Variants in PTPRN2 observed in about 807,000 individuals in gnomAD.
PTPRN2 encodes the protein receptor-type tyrosine-protein phosphatase N2.
Under a neutral mutation model 118.8 loss-of-function variants are expected in PTPRN2, and 74 were observed. The observed-to-expected ratio is 0.62, with a 90% CI of 0.52 to 0.76. PTPRN2 has a LOEUF of 0.76. PTPRN2 is among the 30% of genes least tolerant of loss of function. PTPRN2 has a pLI of 0.00. For synonymous variants in PTPRN2, 641 were observed against 608.0 expected, an observed-to-expected ratio of 1.05 and a Z score of -0.80; for missense variants, 1,481 against 1,394.4, an observed-to-expected ratio of 1.06 and a Z score of -0.99.
At chr7:157,568,154 G>A (rs1263178673) in intron 21 of PTPRN2, among the ~76,000 whole-genome samples, 1 of 152,218 alleles carries the variant, frequency 6.6e-6, no homozygotes, top group African/African-American at 2.4e-5. Flanking sequence ...CTCATTGCTG[G>A]CAGAGCCAGA....
intron 1 of PTPRN2, among the ~76,000 whole-genome samples, chr7:158,550,065 G>C (rs1826545365): frequency 6.6e-6 from 1 of 152,184 alleles, no homozygotes; most frequent in Non-Finnish European, 1.5e-5. Context: ...TTTCACACGA[G>C]AGCACACATC....
At chr7:158,060,968 T>C (rs1437703693) in intron 11 of PTPRN2, among the ~76,000 whole-genome samples, 1 of 152,274 alleles carries the variant, frequency 6.6e-6, no homozygotes, top group Non-Finnish European at 1.5e-5. Flanking sequence ...GCTGCATTTC[T>C]TTCAAAACAT....
intron 19 of PTPRN2, chr7:157,574,495 G>A (rs1202164608): frequency 4.5e-6 from 2 of 443,322 alleles, no homozygotes; most frequent in Non-Finnish European, 1.0e-5. Flanking sequence ...CACACAGCAA[G>A]AAGGGAGAGA....
At chr7:157,902,209 G>A (rs1337994314) in intron 11 of PTPRN2, among the ~76,000 whole-genome samples, 3 of 152,258 alleles carry the variant, frequency 2.0e-5, no homozygotes, top group Admixed American at 6.5e-5. Flanking sequence ...GGAACGCGCT[G>A]CAGCAGAACT....
chr7:158,136,045 C>T (rs1818778993), intron 8 of PTPRN2, among the ~76,000 whole-genome samples: 1 of 152,216 alleles, frequency 6.6e-6, no homozygotes, highest in Admixed American at 6.5e-5. Context: ...CGACTGGGCC[C>T]TTCTTCTGAC....
intron 14 of PTPRN2, among the ~76,000 whole-genome samples, chr7:157,654,080 A>T (rs933838013): frequency 1.5e-4 from 3 of 20,266 alleles, no homozygotes; most frequent in African/African-American, 2.2e-4. Context: ...CCCCACACCC[A>T]CCCCGACTCC....
intron 11 of PTPRN2, among the ~76,000 whole-genome samples, chr7:157,939,635 C>T (rs1585051282): frequency 6.6e-6 from 1 of 152,280 alleles, no homozygotes; most frequent in Admixed American, 6.5e-5. Context: ...TCAACCCCAT[C>T]GTCCAGTGTC....
chr7:158,098,730 T>C (rs1279275948), intron 10 of PTPRN2, among the ~76,000 whole-genome samples: 2 of 152,036 alleles, frequency 1.3e-5, no homozygotes, highest in African/African-American at 4.8e-5. Flanking sequence ...AGGACGTTTA[T>C]CTCGTGAACG....
intron 1 of PTPRN2, among the ~76,000 whole-genome samples, chr7:158,557,383 T>C (rs1293272381): frequency 7.1e-5 from 10 of 140,292 alleles, no homozygotes; most frequent in Non-Finnish European, 1.5e-5. Context: ...TCCCACGCAG[T>C]TTAGGCAGCT....
Position 157,650,832 on chromosome 7 carries a change from G to A in PTPRN2, c.2196+5525C>T, listed in dbSNP as rs561454167. ...GGGCAGGGACATCTGGCATGGTTTC[G>A]CGAGGCCCTCCTGGTTCGGTGACTT... On this transcript the variant is annotated intron_variant, in intron 14 of 22. Transcript: ENST00000389418. 3.3e-5 allele frequency among the ~76,000 whole-genome samples: 5 copies of A among 152,316 alleles called. No homozygotes were observed. In the East Asian group the frequency reaches 5.8e-4, roughly 18 times the overall value.
intron 11 of PTPRN2, among the ~76,000 whole-genome samples, chr7:158,044,593 A>G (rs1334401973): frequency 6.8e-6 from 1 of 147,766 alleles, no homozygotes; most frequent in Admixed American, 6.6e-5. Flanking sequence ...GATCATTTGT[A>G]AAGACTCTGC....
intron 2 of PTPRN2, among the ~76,000 whole-genome samples, chr7:158,390,340 G>C (rs924665060): frequency 6.6e-6 from 1 of 152,220 alleles, no homozygotes; most frequent in East Asian, 1.9e-4. Flanking sequence ...TGCAGCGAGT[G>C]GCACTAAGTC....
intron 6 of PTPRN2, among the ~76,000 whole-genome samples, chr7:158,141,200 G>A (rs533122762): frequency 6.6e-6 from 1 of 152,338 alleles, no homozygotes; most frequent in East Asian, 1.9e-4. Context: ...AATAGAAGCG[G>A]AGGAATTATT....
intron 6 of PTPRN2, among the ~76,000 whole-genome samples, chr7:158,145,831 C>A (rs1029532565): frequency 6.6e-6 from 1 of 152,172 alleles, no homozygotes; most frequent in South Asian, 2.1e-4. Context: ...CTGGGGGATG[C>A]CAGGCTGGAC....
chr7:157,913,915 T>C (rs1201713194), intron 11 of PTPRN2, among the ~76,000 whole-genome samples: 1 of 152,226 alleles, frequency 6.6e-6, no homozygotes, highest in Non-Finnish European at 1.5e-5. Context: ...ATAACTTGCT[T>C]ATAAAATATG....
rs562525354 is a variant in PTPRN2 at position 158,536,396 on chromosome 7, C to G, written c.113-46611G>C. ...TGTGCACCAGGCACACATGAAGACA[C>G]AAGGGCCTTCCCAGCCCACTATAAC... On this transcript the variant is annotated intron_variant, in intron 1 of 22. Coordinates refer to ENST00000389418, the MANE Select transcript of PTPRN2 (RefSeq NM_002847.5). Among the ~76,000 whole-genome samples, 3 of 152,314 alleles carry G rather than the reference C, an allele frequency of 2.0e-5. No homozygotes were observed. In the East Asian group the frequency reaches 5.8e-4, roughly 29 times the overall value.
intron 3 of PTPRN2, among the ~76,000 whole-genome samples, chr7:158,239,051 C>T (rs1468463659): frequency 6.6e-6 from 1 of 152,172 alleles, no homozygotes; most frequent in Non-Finnish European, 1.5e-5. Context: ...CAGGCAGCTG[C>T]CACCCGAGCC....
chr7:158,274,469 G>T (rs939564687), intron 3 of PTPRN2, among the ~76,000 whole-genome samples: 1 of 148,324 alleles, frequency 6.7e-6, no homozygotes, highest in African/African-American at 2.5e-5. Flanking sequence ...CGCAGACACA[G>T]GAGGAGACAC....
intron 2 of PTPRN2, among the ~76,000 whole-genome samples, chr7:158,330,706 C>G (rs1275132580): frequency 8.5e-6 from 1 of 117,620 alleles, no homozygotes; most frequent in African/African-American, 2.7e-5. Flanking sequence ...CATCCATACT[C>G]TCACCATAAG....
Sources: allele counts gnomAD v4.1 joint callset (sites outside exome capture counted in the v4.1 genomes callset), GRCh38; gene constraint gnomAD v4.1.1; transcripts MANE v1.5; gene names NCBI Gene and HGNC (gene_info 2026-07-23, HGNC 2026-07-21).